The following ZNF678 variants were observed in gnomAD, a reference collection of about 807,000 sequenced individuals.
The protein encoded by ZNF678 is hypothetical protein MGC42493.
Under a neutral mutation model 3.0 loss-of-function variants are expected in ZNF678, and 5 were observed. The observed-to-expected ratio is 1.69, with a 90% CI of 0.88 to 3.56. The LOEUF (loss-of-function observed/expected upper bound fraction) is 3.56, where lower values mean the gene tolerates loss of function less well. ZNF678 is among the 30% of genes most tolerant of loss of function. The pLI, the probability that ZNF678 is intolerant of heterozygous loss-of-function variation, is 0.00. For synonymous variants in ZNF678, 218 were observed against 199.6 expected (o/e 1.09, Z -0.78); for missense variants, 593 against 605.0 (o/e 0.98, Z 0.21).
chr1:227,650,899 T>C, intron 2 of ZNF678, 57 bp from the exon 3 acceptor site: 1 of 1,406,270 alleles, frequency 7.1e-7, no homozygotes, highest in Non-Finnish European at 9.7e-7. Context: ...TTTTTACTTC[T>C]TTCTTTTCAA....
chr1:227,591,442 T>C (rs867339201), intron 1 of ZNF678, among the ~76,000 whole-genome samples: 1 of 152,192 alleles, frequency 6.6e-6, no homozygotes, highest in Admixed American at 6.5e-5. Flanking sequence ...TCCTAATTCA[T>C]GATAAATGTA....
intron 1 of ZNF678, among the ~76,000 whole-genome samples, chr1:227,622,273 A>G (rs1470016846): frequency 6.6e-6 from 1 of 152,236 alleles, no homozygotes; most frequent in Non-Finnish European, 1.5e-5. Context: ...GCAAAGCTAA[A>G]TTCTTTCCAA....
At chr1:227,569,009 C>A (rs1319616857) in intron 1 of ZNF678, among the ~76,000 whole-genome samples, 1 of 152,148 alleles carries the variant, frequency 6.6e-6, no homozygotes, top group Non-Finnish European at 1.5e-5. Flanking sequence ...CAGGTGTCCT[C>A]CCAAGATGAG....
At chr1:227,669,127 AACAACCT>A (rs1659556860) in intron 5 of ZNF678, among the ~76,000 whole-genome samples, 1 of 152,080 alleles carries the variant, frequency 6.6e-6, no homozygotes, top group South Asian at 2.1e-4. Context: ...AGAGTAAACA[AACAACCT>A]ACACAATGGG....
rs1659236150 is a variant in ZNF678 at position 227,655,879 on chromosome 1, G to C, written c.*51G>C. 2 of 1,489,112 alleles carry C rather than the reference G, an allele frequency of 1.3e-6. No homozygotes were observed. Among genetic ancestry groups the C allele is most frequent in the Non-Finnish European group, 1.8e-6 (2 of 1,110,500 alleles). 92.2% of individuals were successfully genotyped at this position (1,489,112 alleles called of 1,614,324 possible). A position where few individuals can be genotyped will look rare whatever the true frequency, so the allele number is the denominator to read the frequency against. On this transcript the variant is annotated 3_prime_UTR_variant, in exon 4 of 4. Coordinates refer to ENST00000343776, the MANE Select transcript of ZNF678 (RefSeq NM_001367909.1). ...ACTAATTTCATACTGAATAAAAGTGGTATGAGCATAATGACTGTTTAAGGA... is the reference window on the plus strand; with the variant it reads ...ACTAATTTCATACTGAATAAAAGTGCTATGAGCATAATGACTGTTTAAGGA...
intron 1 of ZNF678, among the ~76,000 whole-genome samples, chr1:227,587,503 G>A (rs1028219465): frequency 1.3e-5 from 2 of 152,166 alleles, no homozygotes; most frequent in Non-Finnish European, 2.9e-5. Flanking sequence ...GAATAGAATA[G>A]AGTTTGCTTA....
chr1:227,664,798 C>A (rs531457387), downstream of ZNF678, among the ~76,000 whole-genome samples: 2 of 151,712 alleles, frequency 1.3e-5, no homozygotes, highest in African/African-American at 4.8e-5. Flanking sequence ...TCCCCAGGAC[C>A]CCTTCCTTCC....
intron 1 of ZNF678, among the ~76,000 whole-genome samples, chr1:227,619,598 G>T (rs1273106553): frequency 6.6e-6 from 1 of 151,820 alleles, no homozygotes; most frequent in South Asian, 2.1e-4. Context: ...TGCAAGCTCT[G>T]CCTCCTGGGT....
chr1:227,574,047 C>G (rs1656925468), intron 1 of ZNF678, among the ~76,000 whole-genome samples: 1 of 152,124 alleles, frequency 6.6e-6, no homozygotes, highest in Non-Finnish European at 1.5e-5. Context: ...TGTATATGTA[C>G]CACACTTTCT....
At chr1:227,643,180 G>C (rs1035253934) in intron 1 of ZNF678, among the ~76,000 whole-genome samples, 5 of 152,086 alleles carry the variant, frequency 3.3e-5, no homozygotes, top group Non-Finnish European at 7.4e-5. Context: ...AGGAGGAGGA[G>C]GAGGAGGAGT....
At chr1:227,672,700 G>GGTCT (rs984612118) in intron 5 of ZNF678, among the ~76,000 whole-genome samples, 2 of 151,804 alleles carry the variant, frequency 1.3e-5, no homozygotes, top group African/African-American at 4.8e-5. Context: ...TGGGTCGGTC[G>GGTCT]GTCTAGGGAT....
At chr1:227,620,221 A>G (rs1023737402) in intron 1 of ZNF678, among the ~76,000 whole-genome samples, 5 of 152,234 alleles carry the variant, frequency 3.3e-5, no homozygotes, top group African/African-American at 1.2e-4. Flanking sequence ...CCTATTTAAC[A>G]TACAAAGTAT....
chr1:227,594,514 C>T (rs975299338), intron 1 of ZNF678, among the ~76,000 whole-genome samples: 1 of 152,194 alleles, frequency 6.6e-6, no homozygotes. Flanking sequence ...AGTGTTTACA[C>T]ACAGAATTTT....
intron 1 of ZNF678, among the ~76,000 whole-genome samples, chr1:227,625,868 A>C (rs557611359): frequency 6.6e-6 from 1 of 152,324 alleles, no homozygotes; most frequent in Middle Eastern, 3.4e-3. Context: ...AGTGGCTCCA[A>C]GCCCTCCAGG....
In ZNF678 at chr1:227,660,440, T is replaced by A. The variant is rs1659373626; in HGVS notation, c.*4612T>A. The A allele has an allele frequency of 6.6e-6, 1 of 152,088 alleles. No individual in the cohort carries two copies. The highest frequency in any genetic ancestry group is 6.5e-5 in the Admixed American group (1 of 15,270). 9.4% of individuals were successfully genotyped at this position (152,088 alleles called of 1,614,324 possible). On this transcript the variant is annotated 3_prime_UTR_variant, in exon 4 of 4. Transcript: ENST00000343776. ...TTTTCTTTAGCTTTTAATGTAGAGATCTTTAACATTTTTGAATAATTTTAT... is the reference window on the plus strand; with the variant it reads ...TTTTCTTTAGCTTTTAATGTAGAGAACTTTAACATTTTTGAATAATTTTAT...
chr1:227,599,081 G>C (rs1657667520), intron 1 of ZNF678: 2 of 1,596,828 alleles, frequency 1.3e-6, no homozygotes, highest in Admixed American at 1.7e-5. Context: ...TGGCCCTGAA[G>C]ACTGGATTGG....
At chr1:227,663,606 A>T (rs1311465047), downstream of ZNF678, among the ~76,000 whole-genome samples, 1 of 152,254 alleles carries the variant, frequency 6.6e-6, no homozygotes, top group Non-Finnish European at 1.5e-5. Flanking sequence ...ACCTGGGTGC[A>T]GTTATTTAAT....
At chr1:227,625,426 A>G (rs1658386309) in intron 1 of ZNF678, among the ~76,000 whole-genome samples, 3 of 152,142 alleles carry the variant, frequency 2.0e-5, no homozygotes, top group African/African-American at 7.2e-5. Context: ...ACATTGGAGC[A>G]TGGGCTAGCA....
At chr1:227,595,530 C>T (rs1657559605) in intron 1 of ZNF678, among the ~76,000 whole-genome samples, 1 of 152,116 alleles carries the variant, frequency 6.6e-6, no homozygotes, top group African/African-American at 2.4e-5. Flanking sequence ...TCCATAGTCT[C>T]CTTTAAATCC....
Sources: gnomAD v4.1 joint callset for allele counts (sites outside exome capture counted in the v4.1 genomes callset) on GRCh38, gnomAD v4.1.1 for gene constraint, MANE v1.5 for transcripts, NCBI Gene and HGNC (gene_info 2026-07-23, HGNC 2026-07-21) for gene names.